The following INTS1 variants were observed in gnomAD, a reference collection of about 807,000 sequenced individuals.
INTS1 encodes integrator complex subunit 1.
Under a neutral mutation model 241.6 loss-of-function variants are expected in INTS1, and 137 were observed. The observed-to-expected ratio is 0.57, with a 90% confidence interval of 0.49 to 0.65. INTS1 has a LOEUF of 0.65. INTS1 is among the 30% of genes least tolerant of loss of function. The pLI, the probability that INTS1 is intolerant of heterozygous loss-of-function variation, is 0.00. For missense variants in INTS1, 3,073 were observed against 3,032.2 expected (o/e 1.01, Z -0.32); for synonymous variants, 1,692 against 1,337.8 (o/e 1.26, Z -5.78).
intron 39 of INTS1, among the ~76,000 whole-genome samples, chr7:1,475,475 G>T (rs576718708): frequency 4.1e-4 from 63 of 152,222 alleles, no homozygotes; most frequent in African/African-American, 1.5e-3. Flanking sequence ...ATTAGAGAAA[G>T]TCAGCTGCCC....
chr7:1,491,789 A>G (rs1017309271), intron 16 of INTS1, among the ~76,000 whole-genome samples: 1 of 152,160 alleles, frequency 6.6e-6, no homozygotes, highest in African/African-American at 2.4e-5. Flanking sequence ...TCCCAGCTAC[A>G]CAGGAGGCCA....
In INTS1 at chr7:1,481,277, A is replaced by T. The variant is rs1176750603; in HGVS notation, c.3850+65T>A. 1 of 1,593,734 alleles carries T rather than the reference A, an allele frequency of 6.3e-7. No homozygotes were observed. Among genetic ancestry groups the T allele is most frequent in the Non-Finnish European group, 8.6e-7 (1 of 1,166,616 alleles). On this transcript the variant is annotated intron_variant, in intron 28 of 47. Transcript: ENST00000404767. The surrounding 1 kb of genome is among the most constrained non-coding windows in gnomAD (Gnocchi z 6.8). ...CACCCGCTCGCACCCAGGCCCCAAA[A>T]GCCTGGCCGGGCTGGGGCTCGGTCA...
chr7:1,499,402 G>A (rs770055391), intron 6 of INTS1, 42 bp from the exon 7 acceptor site: 35 of 519,224 alleles, frequency 6.7e-5, no homozygotes, highest in East Asian at 5.9e-4. Flanking sequence ...CCTCCCACCC[G>A]CCCATCCTCC....
chr7:1,480,222 G>A (rs533030861), intron 30 of INTS1, 95 bp downstream of exon 30: 61 of 1,414,572 alleles, frequency 4.3e-5, no homozygotes, highest in South Asian at 9.9e-5. Context: ...AGGCGGTCAC[G>A]CAAGTAAAGG....
intron 16 of INTS1, 88 bp downstream of exon 16, chr7:1,492,922 G>C: frequency 1.2e-6 from 1 of 863,644 alleles, no homozygotes. Flanking sequence ...GCGGGAGTGG[G>C]GAGCGGGGCG....
In INTS1 at chr7:1,502,927, T is replaced by A; in HGVS notation, c.323A>T (p.Lys108Ile). 1 of 1,613,838 alleles carries A rather than the reference T, an allele frequency of 6.2e-7. No homozygotes were observed. Among genetic ancestry groups the A allele is most frequent in the Non-Finnish European group, 8.5e-7 (1 of 1,179,876 alleles). The change falls in exon 3 of 48, where the codon AAA becomes ATA. Residue 108 changes from lysine to isoleucine, a missense_variant. Coordinates refer to ENST00000404767, the MANE Select transcript of INTS1 (RefSeq NM_001080453.3). The stretch of plus-strand genomic sequence containing the variant: ...TTCAATTGGCACCACAGATGGCTCT[T>A]TAATCGACGGAGAAATGGCTCGTTT... ...AEKRAISPSI[K>I]EPSVVPIEVL...
chr7:1,489,289 C>T (rs1017344094), intron 18 of INTS1, 55 bp downstream of exon 18: 36 of 99,686 alleles, frequency 3.6e-4, no homozygotes, highest in Non-Finnish European at 5.3e-4. Flanking sequence ...CCCAGCGGAA[C>T]GAGACCAGGC....
chr7:1,479,209 G>A (rs1781876527), intron 31 of INTS1, among the ~76,000 whole-genome samples: 1 of 152,240 alleles, frequency 6.6e-6, no homozygotes, highest in Non-Finnish European at 1.5e-5. Context: ...GAGCCTGGGT[G>A]GTGCAAACAG....
chr7:1,486,807 G>A (rs1471373454), intron 21 of INTS1, 33 bp from the exon 22 acceptor site: 10 of 1,609,080 alleles, frequency 6.2e-6, no homozygotes, highest in Non-Finnish European at 7.6e-6. Context: ...AGGGGTGCAG[G>A]TGACAGGCCA....
intron 24 of INTS1, 149 bp downstream of exon 24, chr7:1,484,947 CGT>C: frequency 1.8e-6 from 1 of 568,848 alleles, no homozygotes; most frequent in Non-Finnish European, 3.1e-6. Context: ...GTGCTGACCC[CGT>C]CCCCTCCCCA....
Position 1,495,282 on chromosome 7 carries a change from T to C in INTS1, c.1832+151A>G, listed in dbSNP as rs1013766525. ...ACAGACTCCCGTGTGGGGGCCTGGC[T>C]TGTCCCGGCTTAGTGGGGTGTGGGG... On this transcript the variant is annotated intron_variant, in intron 13 of 47. Coordinates refer to ENST00000404767, the MANE Select transcript of INTS1 (RefSeq NM_001080453.3). 1.0e-5 allele frequency: 10 copies of C among 963,972 alleles called. No individual in the cohort carries two copies. In the African/African-American group the frequency reaches 1.5e-4, roughly 14 times the overall value. The allele number at this position is 963,972 out of a possible 1,614,324, so 59.7% of individuals were successfully genotyped here.
At chr7:1,473,320 C>CGGGGGGG in intron 42 of INTS1, 136 bp from the exon 43 acceptor site, 2 of 416,184 alleles carry the variant, frequency 4.8e-6, no homozygotes, top group Non-Finnish European at 9.2e-6. Context: ...GAGGGAGGGC[C>CGGGGGGG]GGGCGGGGAA....
At position 1,497,484 on chromosome 7, in the gene INTS1, G is replaced by A. The variant is rs1034009361; in HGVS notation, c.1426-170C>T. Among the ~76,000 whole-genome samples, 9 of 152,164 alleles carry A rather than the reference G, an allele frequency of 5.9e-5. No individual in the cohort carries two copies. Among genetic ancestry groups the A allele is most frequent in the African/African-American group, 1.9e-4 (8 of 41,446 alleles). ...GCTCTACTGGCTGCCAGCCCTTGGC[G>A]AGCAGGGATCACATCTGATTCCCCT... On this transcript the variant is annotated intron_variant, in intron 10 of 47. Transcript: ENST00000404767. This position sits in a 1 kb window ranked among gnomAD's most constrained non-coding sequence, Gnocchi z 5.3.
rs1272208434 is a variant in INTS1, at chr7:1,478,038, G to A, written c.4631-102C>T. 3 of 982,842 alleles carry A rather than the reference G, an allele frequency of 3.1e-6. No individual in the cohort carries two copies. In the Admixed American group the frequency reaches 5.6e-5, roughly 18 times the overall value. The allele number at this position is 982,842 out of a possible 1,614,324, so 60.9% of individuals were successfully genotyped here. On this transcript the variant is annotated intron_variant, in intron 33 of 47. Transcript: ENST00000404767. ...GGTGGGGTGTGGGGTGAGCATGTGT[G>A]GGACACAAGAGCAGAGTCCAGCCGG...
chr7:1,499,745 G>C (rs1783064172), intron 5 of INTS1, 113 bp from the exon 6 acceptor site: 2 of 1,463,796 alleles, frequency 1.4e-6, no homozygotes, highest in Admixed American at 4.7e-5. Flanking sequence ...CCAGCTTCTG[G>C]GTGCAGCAGG....
At chr7:1,476,733 G>T (rs1198670930) in intron 36 of INTS1, 61 bp downstream of exon 36, 3 of 1,612,042 alleles carry the variant, frequency 1.9e-6, no homozygotes, top group Admixed American at 3.3e-5. Context: ...GCCGGCGCTG[G>T]GAGATTTCTG....
At position 1,480,451 on chromosome 7, in the gene INTS1, CAGG is replaced by C. The variant is rs1194130121; in HGVS notation, c.3950-13_3950-11del. Reference sequence around the variant, plus strand: ...GGTGCCTCTGTGCTGTCTGCAGAGACAGGAGAACTGTCAGTGGCTGGACACTTT... The same window carrying C: ...GGTGCCTCTGTGCTGTCTGCAGAGACAGAACTGTCAGTGGCTGGACACTTT... On this transcript the variant is annotated splice_polypyrimidine_tract_variant and intron_variant, in intron 29 of 47. Transcript: ENST00000404767. The C allele has an allele frequency of 1.2e-6, 2 of 1,611,034 alleles. No individual in the cohort carries two copies. The highest frequency in any genetic ancestry group is 1.7e-6 in the Non-Finnish European group (2 of 1,178,190).
chr7:1,503,023 T>C lies in INTS1; in HGVS notation c.227A>G (p.Lys76Arg), dbSNP rs1053817879. 3.1e-6 allele frequency: 5 copies of C among 1,613,654 alleles called. No individual in the cohort carries two copies. The highest frequency in any genetic ancestry group is 2.7e-5 in the African/African-American group (2 of 74,922). Residue 76 changes from lysine (K) to arginine (R), a missense_variant, in exon 3 of 48, where the codon AAA becomes AGA. Transcript: ENST00000404767. ...SSASALTGLT[K>R]RPKLSSTPPL... ...GGGTGTGGAGGAGAGTTTGGGGCGT[T>C]TGGTGAGACCGGTGAGGGCCGAGGC...
Position 1,474,216 on chromosome 7 carries a change from G to T in INTS1, c.5781C>A (p.His1927Gln). ...GAAGGCAGTCCCACAGCGCCCCCTG[G>T]TGCTCGCTGCGGAACACGTGCGGCT... The part of the protein sequence containing the change: ...LLQPHVFRSE[H>Q]QGALWDCLLS... Residue 1927 changes from histidine (H) to glutamine (Q), a missense_variant, in exon 41 of 48, where the codon CAC becomes CAA. Physicochemically the swap from His to Gln is conservative, Grantham distance 24 (BLOSUM62 0). Transcript: ENST00000404767. 1 of 1,595,202 alleles carries T rather than the reference G, an allele frequency of 6.3e-7. No homozygotes were observed.
Sources: gnomAD v4.1 joint callset for allele counts (sites outside exome capture counted in the v4.1 genomes callset) on GRCh38, gnomAD v4.1.1 for gene constraint, Gnocchi (gnomAD v3.1) non-coding constraint, MANE v1.5 for transcripts, NCBI Gene and HGNC (gene_info 2026-07-23, HGNC 2026-07-21) for gene names.